The following SAMMSON variants were observed in gnomAD, a reference collection of about 807,000 sequenced individuals.
SAMMSON encodes the protein survival associated mitochondrial melanoma specific oncogenic non-coding RNA, also known as long intergenic non-protein coding RNA 1212.
chr3:70,061,272 C>T (rs967196717), intron 3 of SAMMSON, among the ~76,000 whole-genome samples: 9 of 152,092 alleles, frequency 5.9e-5, no homozygotes, highest in African/African-American at 2.2e-4. Context: ...GCGAATGCAA[C>T]TGTGAGTCAG....
At chr3:70,117,941 G>A (rs1194049615) in intron 4 of SAMMSON, among the ~76,000 whole-genome samples, 2 of 151,354 alleles carry the variant, frequency 1.3e-5, no homozygotes, top group Non-Finnish European at 2.9e-5. Context: ...TTTTTGAGAC[G>A]GAGTCTCGCT....
intron 7 of SAMMSON, among the ~76,000 whole-genome samples, chr3:70,330,706 T>C (rs1446100140): frequency 6.6e-6 from 1 of 152,108 alleles, no homozygotes; most frequent in Non-Finnish European, 1.5e-5. Context: ...AGAAGATGTT[T>C]TTGGTTTTTA....
At chr3:70,105,966 A>G (rs1054821632) in intron 4 of SAMMSON, among the ~76,000 whole-genome samples, 1 of 152,134 alleles carries the variant, frequency 6.6e-6, no homozygotes, top group Non-Finnish European at 1.5e-5. Flanking sequence ...AATTTCAGGA[A>G]CAACGATATA....
chr3:70,351,925 A>G (rs1702797621), intron 7 of SAMMSON, among the ~76,000 whole-genome samples: 2 of 152,120 alleles, frequency 1.3e-5, no homozygotes, highest in African/African-American at 4.8e-5. Flanking sequence ...ATTGTAGGAC[A>G]ATATAAATGA....
intron 4 of SAMMSON, among the ~76,000 whole-genome samples, chr3:70,180,654 C>A (rs1191964914): frequency 1.3e-5 from 2 of 152,094 alleles, no homozygotes; most frequent in African/African-American, 4.8e-5. Flanking sequence ...ATATGCTATA[C>A]CTCACTGAAC....
intron 9 of SAMMSON, among the ~76,000 whole-genome samples, chr3:70,369,867 A>G (rs186849521): frequency 1.9e-3 from 286 of 151,890 alleles, no homozygotes; most frequent in African/African-American, 5.7e-3. Flanking sequence ...GTACATTGTT[A>G]TGAACTATAT....
intron 9 of SAMMSON, among the ~76,000 whole-genome samples, chr3:70,369,602 G>C (rs1224106100): frequency 6.6e-6 from 1 of 151,126 alleles, no homozygotes; most frequent in Non-Finnish European, 1.5e-5. Flanking sequence ...ATGTTGCACT[G>C]TTCCTGATCT....
intron 9 of SAMMSON, among the ~76,000 whole-genome samples, chr3:70,375,568 G>A (rs1703007666): frequency 6.6e-6 from 1 of 152,058 alleles, no homozygotes; most frequent in Non-Finnish European, 1.5e-5. Flanking sequence ...TTCATGACCT[G>A]AAAGCTCTCT....
intron 9 of SAMMSON, among the ~76,000 whole-genome samples, chr3:70,365,101 T>TA (rs1702910884): frequency 6.6e-6 from 1 of 151,752 alleles, no homozygotes. Flanking sequence ...ATGTGTCATA[T>TA]ATCCACCACT....
At chr3:70,297,985 G>A (rs1029365402) in intron 7 of SAMMSON, among the ~76,000 whole-genome samples, 1 of 152,030 alleles carries the variant, frequency 6.6e-6, no homozygotes, top group African/African-American at 2.4e-5. Flanking sequence ...AATCAGGGGA[G>A]AAATTTTTAA....
chr3:70,129,374 G>A (rs1332028830), intron 4 of SAMMSON, among the ~76,000 whole-genome samples: 1 of 152,112 alleles, frequency 6.6e-6, no homozygotes, highest in African/African-American at 2.4e-5. Flanking sequence ...TCCCAGATGA[G>A]GATACTGATG....
intron 7 of SAMMSON, among the ~76,000 whole-genome samples, chr3:70,333,096 T>G (rs1293785748): frequency 6.6e-6 from 1 of 152,116 alleles, no homozygotes; most frequent in East Asian, 1.9e-4. Context: ...TTTTTAGAAT[T>G]TTTTTTTCTC....
intron 7 of SAMMSON, among the ~76,000 whole-genome samples, chr3:70,346,638 T>A (rs1702752811): frequency 6.6e-6 from 1 of 152,142 alleles, no homozygotes. Flanking sequence ...AATGAAAGCT[T>A]AGGGAAGATG....
rs193262373 is a variant in SAMMSON, at chr3:70,046,685, C to G, written n.418-24791C>G. On this transcript the variant is annotated intron_variant and non_coding_transcript_variant, in intron 3 of 9. Coordinates refer to ENST00000642114, the Ensembl canonical transcript of SAMMSON. Reference sequence around the variant, plus strand: ...ACTACTGTAAACCCTGCAGTTTCAACAATACGTATTTATTATTGTACAGTT... The same window carrying G: ...ACTACTGTAAACCCTGCAGTTTCAAGAATACGTATTTATTATTGTACAGTT... Among the ~76,000 whole-genome samples, 145 of 152,248 alleles carry G rather than the reference C, an allele frequency of 9.5e-4. 2 individuals are homozygous for G. The highest frequency in any genetic ancestry group is 6.5e-4 in the Non-Finnish European group (44 of 67,996).
chr3:70,049,620 G>A (rs563683543), intron 3 of SAMMSON, among the ~76,000 whole-genome samples: 1 of 152,148 alleles, frequency 6.6e-6, no homozygotes, highest in South Asian at 2.1e-4. Context: ...GCCCATTAAT[G>A]TTTATTATCA....
At chr3:70,041,667 A>G (rs1351026150) in intron 3 of SAMMSON, among the ~76,000 whole-genome samples, 1 of 152,150 alleles carries the variant, frequency 6.6e-6, no homozygotes, top group Non-Finnish European at 1.5e-5. Context: ...CATATTAAAA[A>G]TGCAAATTAA....
intron 4 of SAMMSON, among the ~76,000 whole-genome samples, chr3:70,135,944 G>GC (rs1553641523): frequency 0.01 from 1,499 of 146,828 alleles, 32 homozygotes; most frequent in African/African-American, 0.035. Flanking sequence ...TTCTCTAAGT[G>GC]TTTTTTTTTT....
intron 4 of SAMMSON, chr3:70,172,271 C>CTTTTTTT (rs5742405): frequency 1.5e-5 from 2 of 135,018 alleles, no homozygotes; most frequent in Non-Finnish European, 1.6e-5. Flanking sequence ...CATTAGTGGT[C>CTTTTTTT]TTTTTTTTTT....
chr3:70,341,079 T>C (rs1193780081), intron 7 of SAMMSON, among the ~76,000 whole-genome samples: 1 of 152,136 alleles, frequency 6.6e-6, no homozygotes, highest in African/African-American at 2.4e-5. Flanking sequence ...ATGTGAGTCA[T>C]TGTCATCATG....
Sources: allele counts gnomAD v4.1 joint callset (sites outside exome capture counted in the v4.1 genomes callset), GRCh38; gene constraint gnomAD v4.1.1; transcripts MANE v1.5; gene names NCBI Gene and HGNC (gene_info 2026-07-23, HGNC 2026-07-21).